The following STAG1 variants were observed in gnomAD, a reference collection of about 807,000 sequenced individuals.
STAG1 encodes cohesin subunit SA-1.
Under a neutral mutation model 170.9 loss-of-function variants are expected in STAG1, and 26 were observed. That is an observed-to-expected ratio of 0.15 (90% CI 0.11 to 0.21). The LOEUF (loss-of-function observed/expected upper bound fraction) is 0.21. Among genes scored for constraint, STAG1 ranks in the 10% least tolerant of loss-of-function variants. The pLI, the probability that STAG1 is intolerant of heterozygous loss-of-function variation, is 1.00. For missense variants in STAG1, 964 were observed against 1,509.5 expected (o/e 0.64, Z 5.99); for synonymous variants, 514 against 497.7 (o/e 1.03, Z -0.44).
intron 1 of STAG1, among the ~76,000 whole-genome samples, chr3:136,741,003 C>T (rs1934639915): frequency 5.9e-5 from 9 of 152,218 alleles, no homozygotes; most frequent in Admixed American, 5.9e-4. Context: ...TGGAAGACAA[C>T]TCTCCATGGA....
At chr3:136,632,921 G>C (rs949227121) in intron 1 of STAG1, among the ~76,000 whole-genome samples, 2 of 152,188 alleles carry the variant, frequency 1.3e-5, no homozygotes, top group South Asian at 2.1e-4. Flanking sequence ...CAATTCTTTA[G>C]GTAAATCTAT....
At chr3:136,700,872 T>C (rs1012490831) in intron 1 of STAG1, among the ~76,000 whole-genome samples, 1 of 145,666 alleles carries the variant, frequency 6.9e-6, no homozygotes. Context: ...GCTCTATTTT[T>C]TTTCTTTTTT....
At chr3:136,656,899 T>C (rs1210860715) in intron 1 of STAG1, among the ~76,000 whole-genome samples, 2 of 152,024 alleles carry the variant, frequency 1.3e-5, no homozygotes, top group African/African-American at 2.4e-5. Context: ...CAATAATCTT[T>C]AGTTCAGCAA....
At position 136,551,236 on chromosome 3, in the gene STAG1, A is replaced by T. The variant is rs1357038884; in HGVS notation, c.395-9041T>A. ...GAGAGAGAGAGAGAGAGAGAGAGAG[A>T]GAGAGAGAGAGAGAGAGAGAGAGAG... On this transcript the variant is annotated intron_variant, in intron 5 of 33. Transcript: ENST00000383202. Among the ~76,000 whole-genome samples, 2 of 144,300 alleles carry T rather than the reference A, an allele frequency of 1.4e-5. 1 individual carries two copies. Among genetic ancestry groups the T allele is most frequent in the Non-Finnish European group, 3.0e-5 (2 of 66,082 alleles). The allele number at this position is 144,300 out of a possible 152,430, so 94.7% of individuals were successfully genotyped here.
At chr3:136,745,033 T>C (rs1185342154) in intron 1 of STAG1, among the ~76,000 whole-genome samples, 2 of 151,990 alleles carry the variant, frequency 1.3e-5, no homozygotes, top group African/African-American at 4.8e-5. Flanking sequence ...TGCATAAAGA[T>C]AAAGTATTAT....
At chr3:136,466,262 C>A (rs567697143) in intron 12 of STAG1, among the ~76,000 whole-genome samples, 20 of 152,020 alleles carry the variant, frequency 1.3e-4, no homozygotes, top group Non-Finnish European at 2.4e-4. Flanking sequence ...TGAAAAAAGA[C>A]TAGATGAATG....
At chr3:136,569,758 G>T (rs1031448407) in intron 4 of STAG1, among the ~76,000 whole-genome samples, 1 of 151,704 alleles carries the variant, frequency 6.6e-6, no homozygotes, top group Non-Finnish European at 1.5e-5. Context: ...AAATATAAAT[G>T]GATTAGTAGC....
chr3:136,392,714 C>G (rs1030582754), intron 22 of STAG1, among the ~76,000 whole-genome samples: 19 of 144,014 alleles, frequency 1.3e-4, no homozygotes, highest in Non-Finnish European at 2.5e-4. Flanking sequence ...TGCAGTGAGC[C>G]GAGATTGTGC....
At chr3:136,424,336 T>TC (rs1286478232) in intron 16 of STAG1, among the ~76,000 whole-genome samples, 1 of 150,780 alleles carries the variant, frequency 6.6e-6, no homozygotes, top group African/African-American at 2.4e-5. Flanking sequence ...ATCTTTTTTT[T>TC]TTTTTTTTTT....
chr3:136,623,552 A>C (rs908887172), intron 2 of STAG1, among the ~76,000 whole-genome samples: 1 of 152,262 alleles, frequency 6.6e-6, no homozygotes, highest in Admixed American at 6.5e-5. Context: ...GTACAAAAAT[A>C]TGAAGGCTTA....
At chr3:136,371,133 GT>G (rs1165900110) in intron 23 of STAG1, among the ~76,000 whole-genome samples, 1 of 152,112 alleles carries the variant, frequency 6.6e-6, no homozygotes, top group Non-Finnish European at 1.5e-5. Context: ...TTTTTCATGT[GT>G]TTTTTGGCTG....
chr3:136,741,927 T>C lies in STAG1; in HGVS notation c.-84+10268A>G, dbSNP rs540630625. On this transcript the variant is annotated intron_variant, in intron 1 of 33. Coordinates refer to ENST00000383202, the MANE Select transcript of STAG1 (RefSeq NM_005862.3). ...ATATTAACATCAAATAAAGCAGACT[T>C]CAAGGAAAAGATTATTACCAGAAAC... Among the ~76,000 whole-genome samples, 37 of 152,234 alleles carry C rather than the reference T, an allele frequency of 2.4e-4. 1 individual carries two copies. In the East Asian group the frequency reaches 6.9e-3, roughly 29 times the overall value.
intron 1 of STAG1, among the ~76,000 whole-genome samples, chr3:136,665,647 G>C (rs1188407234): frequency 1.3e-5 from 2 of 151,122 alleles, no homozygotes; most frequent in African/African-American, 2.4e-5. Flanking sequence ...AGGTGTAGTG[G>C]CAGGCGCCTG....
At chr3:136,577,515 C>A (rs190925170) in intron 4 of STAG1, among the ~76,000 whole-genome samples, 12 of 152,270 alleles carry the variant, frequency 7.9e-5, no homozygotes, top group African/African-American at 2.4e-4. Flanking sequence ...TTCTGAGCCT[C>A]CCATACCAGT....
intron 10 of STAG1, among the ~76,000 whole-genome samples, chr3:136,475,010 C>A (rs2089711524): frequency 6.6e-6 from 1 of 152,026 alleles, no homozygotes; most frequent in African/African-American, 2.4e-5. Flanking sequence ...TACAGGATAC[C>A]CTCTAAGGTA....
At chr3:136,391,101 A>G (rs928133882) in intron 22 of STAG1, among the ~76,000 whole-genome samples, 2 of 152,200 alleles carry the variant, frequency 1.3e-5, no homozygotes, top group Admixed American at 6.5e-5. Flanking sequence ...AAATACCTCA[A>G]TAATAATTGG....
chr3:136,524,948 C>T (rs892131444), intron 6 of STAG1, among the ~76,000 whole-genome samples: 2 of 152,162 alleles, frequency 1.3e-5, no homozygotes, highest in African/African-American at 4.8e-5. Flanking sequence ...ATGAAGCCCA[C>T]TTGATCATGG....
At chr3:136,697,794 T>C (rs1942942424) in intron 1 of STAG1, among the ~76,000 whole-genome samples, 2 of 152,162 alleles carry the variant, frequency 1.3e-5, no homozygotes, top group South Asian at 2.1e-4. Flanking sequence ...GAACAGAATA[T>C]AAAGAGATTA....
At chr3:136,356,571 GGGGTCTTGCTACGT>G in intron 28 of STAG1, among the ~76,000 whole-genome samples, 1 of 151,844 alleles carries the variant, frequency 6.6e-6, no homozygotes, top group South Asian at 2.1e-4. Context: ...TTATAGAGAT[GGGGTCTTGCTACGT>G]TGCCAGGACT....
Sources: allele counts gnomAD v4.1 joint callset (sites outside exome capture counted in the v4.1 genomes callset), GRCh38; gene constraint gnomAD v4.1.1; transcripts MANE v1.5; gene names NCBI Gene and HGNC (gene_info 2026-07-23, HGNC 2026-07-21).